Variants in SPECC1L observed in about 807,000 individuals in gnomAD.
SPECC1L encodes the protein sperm antigen with calponin homology and coiled-coil domains 1 like, also known as cytospin-A.
SPECC1L carries 40 observed loss-of-function variants against 116.8 expected under a neutral mutation model. The ratio of observed to expected loss-of-function variants is 0.34; its 90% confidence interval spans 0.27 to 0.45. SPECC1L has a LOEUF of 0.45. Among genes scored for constraint, SPECC1L ranks in the 20% least tolerant of loss-of-function variants. The pLI is 1.00. For synonymous variants in SPECC1L, 504 were observed against 500.6 expected (o/e 1.01, Z -0.09); for missense variants, 1,110 against 1,373.6 (o/e 0.81, Z 3.03).
At chr22:24,411,873 C>G (rs1175130820) in intron 15 of SPECC1L, among the ~76,000 whole-genome samples, 169 bp downstream of exon 15, 2 of 152,286 alleles carry the variant, frequency 1.3e-5, no homozygotes, top group African/African-American at 2.4e-5. Flanking sequence ...CCACCAGTCC[C>G]TGTCCCACCT....
At chr22:24,344,002 A>C (rs185665864) in intron 10 of SPECC1L, among the ~76,000 whole-genome samples, 11 of 152,328 alleles carry the variant, frequency 7.2e-5, no homozygotes, top group African/African-American at 2.6e-4. Context: ...CTCCAGGCCC[A>C]GGTGGTTTTA....
chr22:24,318,549 T>C (rs996990000), intron 4 of SPECC1L, among the ~76,000 whole-genome samples: 1 of 152,008 alleles, frequency 6.6e-6, no homozygotes, highest in Non-Finnish European at 1.5e-5. Context: ...CAGATTTTCT[T>C]TTTTATAAGG....
chr22:24,385,812 C>T lies in SPECC1L; in HGVS notation c.3087+16492C>T, dbSNP rs538633539. 1.2e-3 allele frequency among the ~76,000 whole-genome samples: 178 copies of T among 152,304 alleles called. 3 individuals carry two copies. The highest frequency in any genetic ancestry group is 2.0e-3 in the African/African-American group (85 of 41,562). ...ATAGGCATATTTGGAGATTTTAACA[C>T]GCTTCTCTCATTAACGAATAGAAAA... is the stretch of plus-strand genomic sequence containing the variant. On this transcript the variant is annotated intron_variant, in intron 14 of 16. Coordinates refer to ENST00000314328, the MANE Select transcript of SPECC1L (RefSeq NM_015330.6).
chr22:24,338,132 C>T (rs1372469684), intron 9 of SPECC1L, among the ~76,000 whole-genome samples: 3 of 152,130 alleles, frequency 2.0e-5, no homozygotes, highest in East Asian at 1.9e-4. Context: ...ATAACAAAAA[C>T]GAAATGACTG....
chr22:24,374,566 T>G, intron 14 of SPECC1L, among the ~76,000 whole-genome samples: 1 of 134,062 alleles, frequency 7.5e-6, no homozygotes, highest in Non-Finnish European at 1.5e-5. Context: ...TAGGTGGGAA[T>G]TGAACAATGA....
intron 11 of SPECC1L, among the ~76,000 whole-genome samples, chr22:24,347,759 T>C (rs752061740): frequency 2.6e-5 from 4 of 152,070 alleles, no homozygotes; most frequent in Non-Finnish European, 5.9e-5. Context: ...CACTGCAACC[T>C]CTGCCTCCCG....
Position 24,416,316 on chromosome 22 carries a change from GT to G in SPECC1L, c.*1697del, listed in dbSNP as rs2042800379. ...CTGGATGCCCTTTGGTGAAATGCCT[GT>G]TTTCAGCTAAGAAAGGAGAGGCCAG... On this transcript the variant is annotated 3_prime_UTR_variant, in exon 17 of 17. Coordinates refer to ENST00000314328, the MANE Select transcript of SPECC1L (RefSeq NM_015330.6). 1 of 152,112 alleles carries G rather than the reference GT, an allele frequency of 6.6e-6. No homozygotes were observed. The allele number at this position is 152,112 out of a possible 1,614,324, so 9.4% of individuals were successfully genotyped here.
At chr22:24,316,144 C>CA (rs1204784171) in intron 4 of SPECC1L, among the ~76,000 whole-genome samples, 2 of 152,206 alleles carry the variant, frequency 1.3e-5, no homozygotes, top group Non-Finnish European at 2.9e-5. Context: ...CCTCCAGTGA[C>CA]TTTCCTAAGA....
Position 24,338,377 on chromosome 22 carries a change from T to C in SPECC1L, c.2561-9T>C. The C allele has an allele frequency of 6.2e-7, 1 of 1,613,314 alleles. No homozygotes were observed. Among genetic ancestry groups the C allele is most frequent in the Non-Finnish European group, 8.5e-7 (1 of 1,179,426 alleles). On this transcript the variant is annotated splice_polypyrimidine_tract_variant and intron_variant, in intron 9 of 16. Coordinates refer to ENST00000314328, the MANE Select transcript of SPECC1L (RefSeq NM_015330.6). ...ACATTATTTCCCTTTTTGTTTGTTGTTTTTGTAGTACCAAACCCTGCTGCA... is the reference window on the plus strand; with the variant it reads ...ACATTATTTCCCTTTTTGTTTGTTGCTTTTGTAGTACCAAACCCTGCTGCA...
intron 9 of SPECC1L, among the ~76,000 whole-genome samples, chr22:24,336,111 TA>T (rs770609238): frequency 2.9e-4 from 44 of 152,028 alleles, no homozygotes; most frequent in Non-Finnish European, 5.4e-4. Flanking sequence ...TACAGTAAAA[TA>T]ATATGCATAT....
rs969120659 is a variant in SPECC1L, at chr22:24,328,696, T to C, written c.2147-150T>C. 1.5e-5 allele frequency: 9 copies of C among 600,604 alleles called. No individual in the cohort carries two copies. The African/African-American group carries it at 1.7e-4, about 11-fold the overall frequency. 37.2% of individuals were successfully genotyped at this position (600,604 alleles called of 1,614,324 possible). On this transcript the variant is annotated intron_variant, in intron 6 of 16. Coordinates refer to ENST00000314328, the MANE Select transcript of SPECC1L (RefSeq NM_015330.6). ...TTTGTTATTACTTGAATTTAACATT[T>C]TTTCTGTTAAAGTTTTGTATTAAAA...
At chr22:24,340,141 T>C (rs35930393) in intron 10 of SPECC1L, among the ~76,000 whole-genome samples, 7 of 89,456 alleles carry the variant, frequency 7.8e-5, no homozygotes, top group South Asian at 4.7e-4. Flanking sequence ...TTTAATGACC[T>C]TTTTTTTTTT....
intron 2 of SPECC1L, among the ~76,000 whole-genome samples, chr22:24,283,520 G>A (rs974802353): frequency 4.6e-5 from 7 of 152,098 alleles, no homozygotes; most frequent in Non-Finnish European, 7.3e-5. Context: ...TTATTTTCAC[G>A]AGAGATATGG....
chr22:24,333,400 C>G (rs2040978708), intron 8 of SPECC1L, among the ~76,000 whole-genome samples: 1 of 152,174 alleles, frequency 6.6e-6, no homozygotes, highest in Admixed American at 6.5e-5. Flanking sequence ...TATACAAACT[C>G]TGCAATTGTA....
intron 14 of SPECC1L, among the ~76,000 whole-genome samples, chr22:24,400,013 A>AC (rs1157470977): frequency 2.0e-5 from 3 of 152,238 alleles, no homozygotes; most frequent in African/African-American, 7.2e-5. Context: ...TATGAGATCC[A>AC]CCTAGTGTAT....
At chr22:24,397,145 GTGCACCTT>G (rs933004789) in intron 14 of SPECC1L, among the ~76,000 whole-genome samples, 9 of 152,114 alleles carry the variant, frequency 5.9e-5, no homozygotes, top group African/African-American at 1.7e-4. Context: ...TGCCACAGGT[GTGCACCTT>G]TTTTAGTTGT....
chr22:24,340,729 C>T (rs2041161216), intron 10 of SPECC1L, among the ~76,000 whole-genome samples: 1 of 152,036 alleles, frequency 6.6e-6, no homozygotes. Flanking sequence ...GCGTCTCAAA[C>T]CTAATCGTAT....
intron 13 of SPECC1L, among the ~76,000 whole-genome samples, chr22:24,368,349 T>C (rs1321286185): frequency 2.0e-5 from 3 of 152,180 alleles, no homozygotes; most frequent in Non-Finnish European, 4.4e-5. Context: ...CATAAGGAGA[T>C]GTTGAATAAG....
At position 24,317,408 on chromosome 22, in the gene SPECC1L, C is replaced by G. The variant is rs1241408814; in HGVS notation, c.308-3880C>G. Among the ~76,000 whole-genome samples the G allele has an allele frequency of 2.7e-3, 329 of 120,402 alleles. 46 individuals are homozygous for G. Among genetic ancestry groups the G allele is most frequent in the Admixed American group, 4.9e-3 (57 of 11,656 alleles). The allele number at this position is 120,402 out of a possible 152,430, so 79.0% of individuals were successfully genotyped here. A position where few individuals can be genotyped will look rare whatever the true frequency, so the allele number is the denominator to read the frequency against. ...GCGGCCGGGCAGAGGCGCCCCTCACCTCCCAGATGGGGCGCTGGCCGGGCG... is the reference window on the plus strand; with the variant it reads ...GCGGCCGGGCAGAGGCGCCCCTCACGTCCCAGATGGGGCGCTGGCCGGGCG... On this transcript the variant is annotated intron_variant, in intron 4 of 16. Coordinates refer to ENST00000314328, the MANE Select transcript of SPECC1L (RefSeq NM_015330.6).
Sources: allele counts gnomAD v4.1 joint callset (sites outside exome capture counted in the v4.1 genomes callset), GRCh38; gene constraint gnomAD v4.1.1; transcripts MANE v1.5; gene names NCBI Gene and HGNC (gene_info 2026-07-23, HGNC 2026-07-21).